RBFOX1: variants seen among roughly 807,000 people sequenced by gnomAD.
RBFOX1 encodes RNA binding protein fox-1 homolog 1.
A neutral mutation model predicts 57.7 loss-of-function variants in RBFOX1; 8 were observed. The ratio of observed to expected loss-of-function variants is 0.14; its 90% CI spans 0.08 to 0.25. RBFOX1 has a LOEUF of 0.25. RBFOX1 is among the 10% of genes least tolerant of loss of function. The probability of loss-of-function intolerance (pLI) is 1.00; values close to 1 mark genes in which losing one functional copy is unlikely to be tolerated. For synonymous variants in RBFOX1, 326 were observed against 222.4 expected (o/e 1.47, Z -4.15); for missense variants, 611 against 548.5 (o/e 1.11, Z -1.14).
intron 2 of RBFOX1, among the ~76,000 whole-genome samples, chr16:6,648,941 A>G (rs1228840622): frequency 1.3e-5 from 2 of 152,166 alleles, no homozygotes; most frequent in African/African-American, 4.8e-5. Context: ...ACATTACCTC[A>G]CAACGTCATT....
intron 10 of RBFOX1, among the ~76,000 whole-genome samples, chr16:7,624,173 C>G (rs1245844861): frequency 6.6e-6 from 1 of 152,094 alleles, no homozygotes; most frequent in African/African-American, 2.4e-5. Flanking sequence ...TATGGAGGGA[C>G]AAATGCAAAG....
At chr16:6,225,182 C>T (rs991757804) in intron 1 of RBFOX1, among the ~76,000 whole-genome samples, 1 of 151,980 alleles carries the variant, frequency 6.6e-6, no homozygotes. Context: ...GGAATAACAG[C>T]TACAATCCCA....
intron 4 of RBFOX1, among the ~76,000 whole-genome samples, chr16:7,373,659 G>A (rs1030596280): frequency 1.3e-5 from 2 of 151,780 alleles, no homozygotes; most frequent in East Asian, 2.1e-4. Context: ...AATAAGAAGT[G>A]GTGTCTGACC....
At chr16:7,270,256 A>T (rs2095285187) in intron 4 of RBFOX1, among the ~76,000 whole-genome samples, 1 of 152,230 alleles carries the variant, frequency 6.6e-6, no homozygotes, top group East Asian at 1.9e-4. Context: ...ATAGGAAAGC[A>T]GCCTCATTGA....
intron 1 of RBFOX1, among the ~76,000 whole-genome samples, chr16:6,197,519 A>G (rs79715993): frequency 0.028 from 4,234 of 151,788 alleles, 212 homozygotes; most frequent in African/African-American, 0.097. Flanking sequence ...CCCATCAACT[A>G]ACTTCTCTAT....
intron 3 of RBFOX1, among the ~76,000 whole-genome samples, chr16:6,905,923 C>T (rs888648255): frequency 2.8e-4 from 42 of 152,190 alleles, no homozygotes; most frequent in African/African-American, 9.9e-4. Flanking sequence ...GTGACATTGA[C>T]TTCCTTCTGC....
intron 2 of RBFOX1, among the ~76,000 whole-genome samples, chr16:6,624,020 T>G: frequency 6.6e-6 from 1 of 152,330 alleles, no homozygotes. Flanking sequence ...GTCGCCACAC[T>G]GACTTCCACA....
intron 3 of RBFOX1, among the ~76,000 whole-genome samples, chr16:5,783,655 C>T (rs1200415709): frequency 2.0e-5 from 3 of 152,124 alleles, no homozygotes; most frequent in Non-Finnish European, 4.4e-5. Flanking sequence ...TTTAATGATA[C>T]CCCAGGCACA....
chr16:7,240,299 A>G (rs1051767329), intron 4 of RBFOX1, among the ~76,000 whole-genome samples: 2 of 152,066 alleles, frequency 1.3e-5, no homozygotes, highest in African/African-American at 4.8e-5. Flanking sequence ...ATAATAATGA[A>G]TGTTTACGGA....
intron 1 of RBFOX1, among the ~76,000 whole-genome samples, chr16:6,226,941 T>C (rs2097422511): frequency 7.1e-6 from 1 of 140,908 alleles, no homozygotes; most frequent in South Asian, 2.2e-4. Flanking sequence ...AAACCCCATC[T>C]CTACTAAAAA....
intron 3 of RBFOX1, among the ~76,000 whole-genome samples, chr16:5,845,910 C>T (rs2056744575): frequency 1.3e-5 from 2 of 152,090 alleles, no homozygotes; most frequent in Non-Finnish European, 2.9e-5. Flanking sequence ...TGGTGGCTCA[C>T]GCCTGTAATA....
intron 4 of RBFOX1, among the ~76,000 whole-genome samples, chr16:7,251,537 A>C (rs2094500367): frequency 6.6e-6 from 1 of 151,782 alleles, no homozygotes; most frequent in South Asian, 2.1e-4. Context: ...CAGACTCCCA[A>C]GTAGCTGGGA....
At chr16:5,622,889 G>C (rs768507735) in intron 3 of RBFOX1, among the ~76,000 whole-genome samples, 6 of 152,134 alleles carry the variant, frequency 3.9e-5, no homozygotes, top group Non-Finnish European at 7.4e-5. Context: ...TTTTCTTATT[G>C]TTTCCTAAAC....
chr16:7,304,206 G>C (rs1603615841), intron 4 of RBFOX1: 4 of 846,818 alleles, frequency 4.7e-6, no homozygotes, highest in Admixed American at 1.4e-4. Context: ...GAGAGACAGA[G>C]AGAGAGACAG....
At chr16:6,642,336 A>C (rs1480858722) in intron 2 of RBFOX1, among the ~76,000 whole-genome samples, 2 of 152,200 alleles carry the variant, frequency 1.3e-5, no homozygotes, top group African/African-American at 4.8e-5. Flanking sequence ...TTACTTTTAC[A>C]GTTAATTAAA....
chr16:6,676,213 G>A (rs1004969887), intron 3 of RBFOX1, among the ~76,000 whole-genome samples: 2 of 151,802 alleles, frequency 1.3e-5, no homozygotes, highest in African/African-American at 4.8e-5. Flanking sequence ...AGATAGGTAG[G>A]CTGGAGAATA....
At chr16:6,303,853 C>G (rs1057203140) in intron 1 of RBFOX1, among the ~76,000 whole-genome samples, 2 of 142,726 alleles carry the variant, frequency 1.4e-5, no homozygotes, top group African/African-American at 2.6e-5. Flanking sequence ...ACTGTGTCAC[C>G]AATGCTGGAG....
At chr16:7,678,838 A>C (rs7184626) in intron 14 of RBFOX1, among the ~76,000 whole-genome samples, 4,265 of 152,332 alleles carry the variant, frequency 0.028, 89 homozygotes, top group African/African-American at 0.055. Context: ...CTCATTGGCA[A>C]CATGTCCCAC....
At position 6,800,109 on chromosome 16, in the gene RBFOX1, T is replaced by C. The variant is rs550433992; in HGVS notation, c.-16+145459T>C. On this transcript the variant is annotated intron_variant, in intron 3 of 15. Coordinates refer to ENST00000550418, the MANE Select transcript of RBFOX1 (RefSeq NM_018723.4). ...TCATGGTGCTGGTAGGATTGTCTTA[T>C]GCAGATGTATTATCGTTCCTAGTCC... Among the ~76,000 whole-genome samples the C allele has an allele frequency of 2.4e-4, 36 of 152,306 alleles. No individual in the cohort carries two copies. In the South Asian group the frequency reaches 6.4e-3, roughly 27 times the overall value.
Sources: allele counts gnomAD v4.1 joint callset (sites outside exome capture counted in the v4.1 genomes callset), GRCh38; gene constraint gnomAD v4.1.1; transcripts MANE v1.5; gene names NCBI Gene and HGNC (gene_info 2026-07-23, HGNC 2026-07-21).